DCC: variants seen among roughly 807,000 people sequenced by gnomAD.
DCC encodes DCC netrin 1 receptor.
DCC carries 58 observed loss-of-function variants against 172.5 expected under a neutral mutation model. The ratio of observed to expected loss-of-function variants is 0.34; its 90% CI spans 0.27 to 0.42. The LOEUF (loss-of-function observed/expected upper bound fraction) is 0.42. Among genes scored for constraint, DCC ranks in the 10% least tolerant of loss-of-function variants. DCC has a pLI of 1.00. For synonymous variants in DCC, 709 were observed against 644.5 expected (o/e 1.10, Z -1.52); for missense variants, 1,740 against 1,791.0 (o/e 0.97, Z 0.51).
chr18:52,438,306 T>A (rs1302906923), intron 1 of DCC, among the ~76,000 whole-genome samples: 1 of 152,208 alleles, frequency 6.6e-6, no homozygotes, highest in African/African-American at 2.4e-5. Flanking sequence ...GTCACTCTGG[T>A]CGGTCTCCTG....
intron 27 of DCC, among the ~76,000 whole-genome samples, chr18:53,515,048 C>A (rs1204085027): frequency 6.6e-6 from 1 of 151,940 alleles, no homozygotes; most frequent in Non-Finnish European, 1.5e-5. Flanking sequence ...CAAAAATCCT[C>A]AATAAAATAC....
intron 12 of DCC, among the ~76,000 whole-genome samples, chr18:53,289,565 A>C (rs2056976864): frequency 6.6e-6 from 1 of 152,178 alleles, no homozygotes; most frequent in Admixed American, 6.6e-5. Flanking sequence ...CTGTTTCAGC[A>C]CCATGCCTGG....
At chr18:52,935,360 T>C (rs939551290) in intron 5 of DCC, among the ~76,000 whole-genome samples, 1 of 134,304 alleles carries the variant, frequency 7.4e-6, no homozygotes, top group African/African-American at 2.6e-5. Context: ...TATTTATAAA[T>C]GACCTATATC....
At position 52,923,715 on chromosome 18, in the gene DCC, C is replaced by T. The variant is rs146026074; in HGVS notation, c.706C>T (p.Leu236=). ...AEVRILSDPG[L]HRQLYFLQRP... ...GTGTTTTCCCCTCATAGATCCAGGA[C>T]TGCATAGACAGCTGTATTTTCTGCA... is the stretch of plus-strand genomic sequence containing the variant. Residue 236 remains leucine (L), a synonymous_variant, in exon 4 of 29, where the codon CTG becomes TTG. Transcript: ENST00000442544. 9.7e-5 allele frequency: 155 copies of T among 1,605,566 alleles called. No homozygotes were observed. Among genetic ancestry groups the T allele is most frequent in the Non-Finnish European group, 1.3e-4 (150 of 1,172,620 alleles).
intron 1 of DCC, among the ~76,000 whole-genome samples, chr18:52,701,520 T>C (rs923258531): frequency 2.6e-5 from 4 of 152,186 alleles, no homozygotes; most frequent in Admixed American, 2.0e-4. Context: ...ATATTTTTCC[T>C]CTTCACACCA....
intron 5 of DCC, among the ~76,000 whole-genome samples, chr18:52,964,686 T>C (rs962465103): frequency 2.6e-5 from 4 of 152,170 alleles, no homozygotes; most frequent in African/African-American, 9.7e-5. Flanking sequence ...TTGCTTAGAA[T>C]GTCTACTAGT....
At chr18:52,968,716 C>G (rs2040974593) in intron 5 of DCC, among the ~76,000 whole-genome samples, 1 of 152,034 alleles carries the variant, frequency 6.6e-6, no homozygotes, top group South Asian at 2.1e-4. Context: ...CTTTTTAGTT[C>G]TCATGTAATT....
At chr18:53,102,389 T>C (rs1338092038) in intron 7 of DCC, among the ~76,000 whole-genome samples, 1 of 152,136 alleles carries the variant, frequency 6.6e-6, no homozygotes, top group Non-Finnish European at 1.5e-5. Flanking sequence ...GATCATTCCG[T>C]GTGTTTTTAT....
intron 2 of DCC, among the ~76,000 whole-genome samples, chr18:52,776,170 AAAAAT>A (rs1555659970): frequency 2.0e-5 from 3 of 152,224 alleles, no homozygotes; most frequent in Non-Finnish European, 2.9e-5. Context: ...TGAACAGTAG[AAAAAT>A]AAAATAATCC....
intron 15 of DCC, among the ~76,000 whole-genome samples, chr18:53,365,074 C>A (rs7243145): frequency 2.6e-5 from 4 of 151,892 alleles, no homozygotes; most frequent in Non-Finnish European, 4.4e-5. Context: ...ATCCCTCCCC[C>A]CTCCTCCCAC....
intron 3 of DCC, among the ~76,000 whole-genome samples, chr18:52,923,149 T>C (rs184143040): frequency 2.2e-4 from 34 of 152,250 alleles, no homozygotes; most frequent in African/African-American, 7.9e-4. Flanking sequence ...AGTTATAAAA[T>C]AAACCAACTT....
chr18:53,457,128 A>T (rs1400360810), intron 23 of DCC, among the ~76,000 whole-genome samples: 1 of 152,340 alleles, frequency 6.6e-6, no homozygotes, highest in East Asian at 1.9e-4. Context: ...GCAACTTCTT[A>T]GAACTTGTCT....
chr18:52,907,408 A>G (rs1282067123), intron 3 of DCC, among the ~76,000 whole-genome samples: 1 of 147,826 alleles, frequency 6.8e-6, no homozygotes, highest in Non-Finnish European at 1.5e-5. Context: ...TATATACATC[A>G]TATCATTCAT....
chr18:52,916,115 A>G (rs1281313737), intron 3 of DCC, among the ~76,000 whole-genome samples: 7 of 152,136 alleles, frequency 4.6e-5, no homozygotes. Context: ...ACATGTGTCA[A>G]CATAGGAAAA....
intron 5 of DCC, among the ~76,000 whole-genome samples, chr18:53,034,378 A>G (rs564008684): frequency 3.3e-5 from 5 of 152,168 alleles, no homozygotes; most frequent in Admixed American, 6.6e-5. Flanking sequence ...TATTACATCA[A>G]ATGCATTATT....
intron 2 of DCC, among the ~76,000 whole-genome samples, chr18:52,756,145 G>T (rs2037072609): frequency 6.6e-6 from 1 of 152,176 alleles, no homozygotes; most frequent in South Asian, 2.1e-4. Context: ...TGAAATTTGG[G>T]AATTTTATTT....
At chr18:53,499,629 C>T (rs751413928) in intron 27 of DCC, 119 bp downstream of exon 27, 2 of 856,264 alleles carry the variant, frequency 2.3e-6, no homozygotes, top group Non-Finnish European at 3.9e-6. Flanking sequence ...TGATTACATG[C>T]CCAGTGTGCT....
intron 2 of DCC, among the ~76,000 whole-genome samples, chr18:52,795,795 G>A (rs76458989): frequency 0.025 from 3,828 of 151,712 alleles, 69 homozygotes; most frequent in Middle Eastern, 0.078. Flanking sequence ...ACTGTTTTTC[G>A]TTCTTATTTT....
chr18:53,507,925 G>A (rs562604373), intron 27 of DCC, among the ~76,000 whole-genome samples: 9 of 134,526 alleles, frequency 6.7e-5, no homozygotes, highest in Non-Finnish European at 1.2e-4. Flanking sequence ...ATGGAGTCTC[G>A]CTCTGTCACC....
Sources: gnomAD v4.1 joint callset for allele counts (sites outside exome capture counted in the v4.1 genomes callset) on GRCh38, gnomAD v4.1.1 for gene constraint, MANE v1.5 for transcripts, NCBI Gene and HGNC (gene_info 2026-07-23, HGNC 2026-07-21) for gene names.